Variants in RNF216 observed in about 807,000 individuals in gnomAD.
RNF216 encodes the protein ring finger protein 216.
In RNF216, 72 loss-of-function variants were observed where a neutral mutation model predicts 110.8. The ratio of observed to expected loss-of-function variants is 0.65; its 90% CI spans 0.54 to 0.79. The LOEUF (loss-of-function observed/expected upper bound fraction) is 0.79. Ranked by LOEUF, RNF216 falls within the 30% of genes least tolerant of loss-of-function variation. RNF216 has a pLI of 0.00. For synonymous variants in RNF216, 495 were observed against 407.5 expected (o/e 1.21, Z -2.59); for missense variants, 1,342 against 1,141.2 (o/e 1.18, Z -2.54).
chr7:5,715,121 C>T lies in RNF216; in HGVS notation c.1765G>A (p.Asp589Asn). Reference protein sequence around the residue: ...FPFEELTQCADAHLFCKECLI... With the variant: ...FPFEELTQCANAHLFCKECLI... ...CACTCTTTGCAGAACAAGTGAGCAT[C>T]TGCGCACTGCGTCAGCTCCTCGAAT... is the stretch of plus-strand genomic sequence containing the variant. The change falls in exon 11 of 17, where the codon GAT becomes AAT. Residue 589 changes from aspartate to asparagine, a missense_variant. Transcript: ENST00000389902. 1 of 1,613,876 alleles carries T rather than the reference C, an allele frequency of 6.2e-7. No individual in the cohort carries two copies. The highest frequency in any genetic ancestry group is 8.5e-7 in the Non-Finnish European group (1 of 1,179,926).
chr7:5,660,943 G>GTTTTGTTTTTTTTT (rs1554352520), intron 13 of RNF216, among the ~76,000 whole-genome samples: 1 of 90,164 alleles, frequency 1.1e-5, no homozygotes, highest in African/African-American at 5.5e-5. Flanking sequence ...GAAGCCTTAG[G>GTTTTGTTTTTTTTT]TTTTTTTTTT....
intron 15 of RNF216, among the ~76,000 whole-genome samples, chr7:5,639,740 A>C (rs2128566243): frequency 6.7e-6 from 1 of 148,354 alleles, no homozygotes; most frequent in East Asian, 2.0e-4. Flanking sequence ...GATTATAGGC[A>C]TGTGACACCG....
At chr7:5,669,266 C>G (rs1789743020) in intron 13 of RNF216, among the ~76,000 whole-genome samples, 1 of 152,156 alleles carries the variant, frequency 6.6e-6, no homozygotes, top group Non-Finnish European at 1.5e-5. Flanking sequence ...GCTCTGACCT[C>G]TTTTGATCCA....
At chr7:5,690,262 G>A (rs1791251746) in intron 13 of RNF216, among the ~76,000 whole-genome samples, 1 of 151,254 alleles carries the variant, frequency 6.6e-6, no homozygotes, top group South Asian at 2.1e-4. Flanking sequence ...AGGAAGCGGA[G>A]GTTGCAGTGA....
chr7:5,639,486 C>CA (rs1238403373), intron 15 of RNF216, among the ~76,000 whole-genome samples: 2 of 151,814 alleles, frequency 1.3e-5, no homozygotes, highest in African/African-American at 4.8e-5. Flanking sequence ...TTTTTTGAGA[C>CA]AGAGTCTCAC....
chr7:5,737,362 G>C (rs1435522774), intron 5 of RNF216, among the ~76,000 whole-genome samples: 1 of 152,056 alleles, frequency 6.6e-6, no homozygotes, highest in Non-Finnish European at 1.5e-5. Flanking sequence ...CTAATCTCAA[G>C]TACCCAGGGA....
chr7:5,730,090 T>C (rs1246952429), intron 6 of RNF216, among the ~76,000 whole-genome samples: 1 of 152,220 alleles, frequency 6.6e-6, no homozygotes, highest in Non-Finnish European at 1.5e-5. Flanking sequence ...GTTAAACAGA[T>C]GTATAGTATA....
intron 15 of RNF216, among the ~76,000 whole-genome samples, chr7:5,628,435 A>G (rs852454): frequency 0.44 from 66,994 of 152,074 alleles, 17,331 homozygotes; most frequent in East Asian, 0.97. Context: ...ACTGTGCTTA[A>G]TAACTTTAAT....
At chr7:5,713,685 A>G (rs1051185388) in intron 11 of RNF216, among the ~76,000 whole-genome samples, 2 of 152,254 alleles carry the variant, frequency 1.3e-5, no homozygotes, top group Non-Finnish European at 2.9e-5. Flanking sequence ...ACATGAACAA[A>G]AAGTGTCAGA....
In RNF216 at chr7:5,644,981, C is replaced by T. The variant is rs182447035; in HGVS notation, c.2160-3605G>A. Among the ~76,000 whole-genome samples the T allele has an allele frequency of 1.2e-4, 18 of 152,128 alleles. No homozygotes were observed. In the East Asian group the frequency reaches 3.3e-3, roughly 28 times the overall value. On this transcript the variant is annotated intron_variant, in intron 14 of 16. Transcript: ENST00000389902. ...CTGGGACTACAGGCACGTGCCACCA[C>T]GCCTGGCTAATTTTTGCATTTTTAG... is the stretch of plus-strand genomic sequence containing the variant.
chr7:5,635,010 C>T (rs965703987), intron 15 of RNF216, among the ~76,000 whole-genome samples: 9 of 152,180 alleles, frequency 5.9e-5, no homozygotes, highest in African/African-American at 9.6e-5. Flanking sequence ...ACCCTATGGG[C>T]ACCTAACGAC....
intron 13 of RNF216, among the ~76,000 whole-genome samples, chr7:5,656,752 T>C (rs1413729640): frequency 1.3e-5 from 2 of 152,258 alleles, no homozygotes; most frequent in African/African-American, 4.8e-5. Flanking sequence ...TCTTCCTTTA[T>C]TCATTTTCTG....
At chr7:5,734,009 T>C (rs1794244406) in intron 5 of RNF216, among the ~76,000 whole-genome samples, 1 of 152,158 alleles carries the variant, frequency 6.6e-6, no homozygotes, top group South Asian at 2.1e-4. Flanking sequence ...ATGTAGTTAT[T>C]ATCATGCCAC....
chr7:5,633,760 C>G (rs1562773626), intron 15 of RNF216, among the ~76,000 whole-genome samples: 1 of 152,116 alleles, frequency 6.6e-6, no homozygotes, highest in Admixed American at 6.5e-5. Flanking sequence ...GGGAGGAAGA[C>G]GCAGCAAGAG....
At chr7:5,729,878 A>AT (rs1050695594) in intron 6 of RNF216, among the ~76,000 whole-genome samples, 1 of 151,964 alleles carries the variant, frequency 6.6e-6, no homozygotes, top group African/African-American at 2.4e-5. Flanking sequence ...ACGAACAACT[A>AT]TTTTTTTTCT....
At chr7:5,626,064 T>C (rs904069695) in intron 15 of RNF216, among the ~76,000 whole-genome samples, 1 of 152,192 alleles carries the variant, frequency 6.6e-6, no homozygotes. Flanking sequence ...CAAGTTCCCA[T>C]CATGCATTTC....
chr7:5,759,633 C>CTTCTTCT (rs59390560), intron 2 of RNF216, among the ~76,000 whole-genome samples: 5,675 of 130,982 alleles, frequency 0.043, 286 homozygotes, highest in Non-Finnish European at 0.056. Flanking sequence ...CATTTTTCTT[C>CTTCTTCT]TTTTTTTTTT....
chr7:5,645,990 T>C (rs1006266962), intron 14 of RNF216, among the ~76,000 whole-genome samples: 1 of 152,242 alleles, frequency 6.6e-6, no homozygotes, highest in Non-Finnish European at 1.5e-5. Flanking sequence ...TCTGAGCATA[T>C]TTAAGACAGC....
At chr7:5,643,549 G>A (rs571967561) in intron 14 of RNF216, among the ~76,000 whole-genome samples, 1 of 152,220 alleles carries the variant, frequency 6.6e-6, no homozygotes, top group South Asian at 2.1e-4. Flanking sequence ...CTCACCACCA[G>A]CCAGTGTGTG....
Sources: allele counts gnomAD v4.1 joint callset (sites outside exome capture counted in the v4.1 genomes callset), GRCh38; gene constraint gnomAD v4.1.1; transcripts MANE v1.5; gene names NCBI Gene and HGNC (gene_info 2026-07-23, HGNC 2026-07-21).